Variants in WDR7 observed in about 807,000 individuals in gnomAD.
WDR7 encodes WD repeat domain 7, also known as WD repeat-containing protein 7.
WDR7 carries 46 observed loss-of-function variants against 169.4 expected under a neutral mutation model. The ratio of observed to expected loss-of-function variants is 0.27; its 90% CI spans 0.21 to 0.35. The LOEUF (loss-of-function observed/expected upper bound fraction) is 0.35, where lower values mean the gene tolerates loss of function less well. WDR7 is among the 10% of genes least tolerant of loss of function. The pLI is 1.00. For missense variants in WDR7, 1,534 were observed against 1,859.3 expected, an observed-to-expected ratio of 0.83 and a Z score of 3.22; for synonymous variants, 612 against 666.8, an observed-to-expected ratio of 0.92 and a Z score of 1.27.
At chr18:56,860,545 C>A (rs2045788982) in intron 20 of WDR7, among the ~76,000 whole-genome samples, 1 of 151,934 alleles carries the variant, frequency 6.6e-6, no homozygotes, top group African/African-American at 2.4e-5. Flanking sequence ...AATAATAAAC[C>A]AGATCTCATG....
chr18:57,000,430 T>C (rs1014180364), intron 26 of WDR7, among the ~76,000 whole-genome samples: 3 of 152,200 alleles, frequency 2.0e-5, no homozygotes, highest in Non-Finnish European at 4.4e-5. Context: ...ATATTATTTT[T>C]GTTTCCTGTG....
intron 14 of WDR7, among the ~76,000 whole-genome samples, chr18:56,741,079 A>G (rs1003461779): frequency 1.3e-5 from 2 of 152,178 alleles, no homozygotes; most frequent in African/African-American, 2.4e-5. Flanking sequence ...ATTATTTTCT[A>G]CTACCTAGTG....
intron 26 of WDR7, among the ~76,000 whole-genome samples, chr18:57,010,886 A>C (rs1427672132): frequency 6.6e-6 from 1 of 152,164 alleles, no homozygotes; most frequent in African/African-American, 2.4e-5. Flanking sequence ...TCGAAGGGAA[A>C]ATGCTCCTAA....
intron 26 of WDR7, among the ~76,000 whole-genome samples, chr18:57,014,342 AAAAAG>A (rs1203926804): frequency 6.7e-6 from 1 of 149,346 alleles, no homozygotes; most frequent in Non-Finnish European, 1.5e-5. Context: ...CAAAAAAAAA[AAAAAG>A]AAGAAAAGGA....
At chr18:56,820,837 A>G (rs2045082519) in intron 20 of WDR7, among the ~76,000 whole-genome samples, 1 of 152,152 alleles carries the variant, frequency 6.6e-6, no homozygotes, top group African/African-American at 2.4e-5. Flanking sequence ...AGACTAGCTT[A>G]TGTTCTCCTT....
chr18:56,881,617 A>G (rs2046109284), intron 21 of WDR7, among the ~76,000 whole-genome samples: 1 of 151,920 alleles, frequency 6.6e-6, no homozygotes, highest in Admixed American at 6.6e-5. Context: ...GATTTATTTT[A>G]TTTTATTTTT....
At chr18:56,664,788 C>G (rs1364147297) in intron 1 of WDR7, among the ~76,000 whole-genome samples, 1 of 152,044 alleles carries the variant, frequency 6.6e-6, no homozygotes, top group Non-Finnish European at 1.5e-5. Flanking sequence ...GAAACATAGG[C>G]TGTACAAATG....
chr18:57,019,692 TCTC>T (rs2048259966), intron 26 of WDR7, among the ~76,000 whole-genome samples: 1 of 152,008 alleles, frequency 6.6e-6, no homozygotes, highest in East Asian at 1.9e-4. Context: ...ATGAAAAAAA[TCTC>T]CTGAAATGTA....
rs56107477 is a variant in WDR7 at position 56,825,996 on chromosome 18, C to T, written c.3304+9852C>T. Among the ~76,000 whole-genome samples, 912 of 114,224 alleles carry T rather than the reference C, an allele frequency of 8.0e-3. 6 individuals carry two copies. The highest frequency in any genetic ancestry group is 0.023 in the Middle Eastern group (5 of 216). The allele number at this position is 114,224 out of a possible 152,430, so 74.9% of individuals were successfully genotyped here. ...ATATATTTCTTTTGCTAAATTTAGA[C>T]CAAACAGGAAAAAAGCAGAAATACT... is the stretch of plus-strand genomic sequence containing the variant. On this transcript the variant is annotated intron_variant, in intron 20 of 27. Transcript: ENST00000254442.
At chr18:56,833,203 A>G (rs1235135420) in intron 20 of WDR7, among the ~76,000 whole-genome samples, 1 of 152,014 alleles carries the variant, frequency 6.6e-6, no homozygotes, top group South Asian at 2.1e-4. Context: ...CACAAGTATT[A>G]GTAGCAGAAT....
chr18:57,009,835 C>G (rs1391339160), intron 26 of WDR7: 1 of 985,000 alleles, frequency 1.0e-6, no homozygotes, highest in Non-Finnish European at 1.2e-6. Context: ...TTTGTGTCAC[C>G]AGGCACTATA....
intron 26 of WDR7, among the ~76,000 whole-genome samples, chr18:56,970,251 G>GTT (rs34022808): frequency 1.4e-5 from 2 of 140,844 alleles, no homozygotes; most frequent in Non-Finnish European, 3.1e-5. Context: ...TTTTTTTGCT[G>GTT]TTTTTTTTTT....
At chr18:57,005,714 G>A (rs1196992514) in intron 26 of WDR7, among the ~76,000 whole-genome samples, 1 of 151,874 alleles carries the variant, frequency 6.6e-6, no homozygotes, top group African/African-American at 2.4e-5. Context: ...TTAAATCAGG[G>A]GTGTCTTAAT....
chr18:56,964,500 T>C (rs1324442742), intron 26 of WDR7, among the ~76,000 whole-genome samples: 1 of 151,984 alleles, frequency 6.6e-6, no homozygotes, highest in South Asian at 2.1e-4. Context: ...TGATTCTCAC[T>C]TCAGCCTCCC....
At chr18:56,819,525 G>A (rs1356794958) in intron 20 of WDR7, among the ~76,000 whole-genome samples, 2 of 152,026 alleles carry the variant, frequency 1.3e-5, no homozygotes, top group Non-Finnish European at 2.9e-5. Flanking sequence ...TTAACCATAG[G>A]TTTTAAATTA....
intron 16 of WDR7, 70 bp downstream of exon 16, chr18:56,759,023 G>T: frequency 8.1e-7 from 1 of 1,240,580 alleles, no homozygotes. Context: ...CATAGCTAAT[G>T]TATAATCATA....
intron 21 of WDR7, among the ~76,000 whole-genome samples, chr18:56,920,999 A>T (rs2046709784): frequency 6.6e-6 from 1 of 152,176 alleles, no homozygotes; most frequent in African/African-American, 2.4e-5. Flanking sequence ...ATTATATAAT[A>T]TTTTTTAAAG....
intron 20 of WDR7, among the ~76,000 whole-genome samples, chr18:56,840,212 G>A (rs2045461146): frequency 6.6e-6 from 1 of 152,168 alleles, no homozygotes; most frequent in Admixed American, 6.6e-5. Flanking sequence ...GAGATTTTGA[G>A]AAGAGTGAGC....
At chr18:57,032,007 T>C (rs2048443773), downstream of WDR7, 1 of 152,256 alleles carries the variant, frequency 6.6e-6, no homozygotes, top group Admixed American at 6.5e-5. Flanking sequence ...CTGAACATCC[T>C]ATCCAAAGGA....
Sources: allele counts gnomAD v4.1 joint callset (sites outside exome capture counted in the v4.1 genomes callset), GRCh38; gene constraint gnomAD v4.1.1; transcripts MANE v1.5; gene names NCBI Gene and HGNC (gene_info 2026-07-23, HGNC 2026-07-21).